The following ESR1 variants were observed in gnomAD, a reference collection of about 807,000 sequenced individuals.
The protein encoded by ESR1 is estrogen receptor.
ESR1 carries 12 observed loss-of-function variants against 52.7 expected under a neutral mutation model. The ratio of observed to expected loss-of-function variants is 0.23; its 90% confidence interval spans 0.15 to 0.37. The LOEUF is 0.37. Ranked by LOEUF, ESR1 falls within the 10% of genes least tolerant of loss-of-function variation. The pLI is 1.00. For missense variants in ESR1, 584 were observed against 779.7 expected, an observed-to-expected ratio of 0.75 and a Z score of 2.99; for synonymous variants, 305 against 316.8, an observed-to-expected ratio of 0.96 and a Z score of 0.39.
chr6:151,943,267 C>A (rs2035299720), intron 3 of ESR1, among the ~76,000 whole-genome samples: 1 of 151,948 alleles, frequency 6.6e-6, no homozygotes, highest in Non-Finnish European at 1.5e-5. Flanking sequence ...GTAGTCCCAG[C>A]TACTCAGGAG....
intron 2 of ESR1, among the ~76,000 whole-genome samples, chr6:151,860,461 T>C (rs896163976): frequency 6.6e-6 from 1 of 152,190 alleles, no homozygotes; most frequent in South Asian, 2.1e-4. Context: ...TATAGGTATA[T>C]AGTGTGTGTG....
chr6:151,923,954 G>C (rs934400924), intron 3 of ESR1, among the ~76,000 whole-genome samples: 1 of 152,168 alleles, frequency 6.6e-6, no homozygotes, highest in Non-Finnish European at 1.5e-5. Flanking sequence ...CTTGATGCTC[G>C]ACATCCTTGT....
intron 4 of ESR1, among the ~76,000 whole-genome samples, chr6:151,985,540 CAA>C (rs556588370): frequency 1.2e-5 from 1 of 81,108 alleles, no homozygotes. Context: ...AAAACACAAA[CAA>C]AAAAAAAAAA....
chr6:151,862,908 G>A (rs1026974684), intron 2 of ESR1, among the ~76,000 whole-genome samples: 8 of 151,926 alleles, frequency 5.3e-5, no homozygotes, highest in African/African-American at 9.7e-5. Flanking sequence ...GGCTGGTGTC[G>A]GCTTGAAATT....
At chr6:151,917,677 A>G (rs1462234671) in intron 3 of ESR1, among the ~76,000 whole-genome samples, 1 of 152,050 alleles carries the variant, frequency 6.6e-6, no homozygotes, top group African/African-American at 2.4e-5. Flanking sequence ...CCTGTGATTG[A>G]TTTCCCATTC....
At chr6:151,913,477 C>T (rs1798593462) in intron 3 of ESR1, among the ~76,000 whole-genome samples, 1 of 152,078 alleles carries the variant, frequency 6.6e-6, no homozygotes, top group African/African-American at 2.4e-5. Flanking sequence ...AAATGTCACC[C>T]CATTTTGAAT....
intron 1 of ESR1, among the ~76,000 whole-genome samples, chr6:151,677,587 C>T (rs543810115): frequency 2.6e-5 from 4 of 152,270 alleles, no homozygotes; most frequent in Non-Finnish European, 4.4e-5. Context: ...TGAGTGATTA[C>T]GCAGCATTTG....
At chr6:152,034,475 T>C (rs2045088744) in intron 5 of ESR1, among the ~76,000 whole-genome samples, 3 of 152,114 alleles carry the variant, frequency 2.0e-5, no homozygotes, top group Admixed American at 2.0e-4. Context: ...GTCACTGTGC[T>C]GTCCATAGAG....
intron 2 of ESR1, among the ~76,000 whole-genome samples, chr6:151,843,553 A>G (rs9340812): frequency 0.017 from 2,514 of 152,272 alleles, 60 homozygotes; most frequent in African/African-American, 0.058. Context: ...TAAAATACCT[A>G]TGCTGAATAT....
chr6:152,127,149 C>T (rs911937383), exon 7 of ESR1: 2 of 152,132 alleles, frequency 1.3e-5, no homozygotes, highest in African/African-American at 4.8e-5. Flanking sequence ...CCTGAGGCAG[C>T]CTGTGGTGGC....
chr6:151,706,237 G>A (rs1780175788), intron 2 of ESR1, among the ~76,000 whole-genome samples: 1 of 152,194 alleles, frequency 6.6e-6, no homozygotes, highest in Non-Finnish European at 1.5e-5. Flanking sequence ...GCTCATCAAA[G>A]TGGAAATAAT....
At chr6:152,066,675 C>T (rs1341021167) in intron 6 of ESR1, among the ~76,000 whole-genome samples, 2 of 152,202 alleles carry the variant, frequency 1.3e-5, no homozygotes, top group African/African-American at 4.8e-5. Context: ...AGCCACTCAA[C>T]TTTGGAGCCT....
At chr6:151,899,355 C>G (rs1199327574) in intron 3 of ESR1, among the ~76,000 whole-genome samples, 1 of 115,884 alleles carries the variant, frequency 8.6e-6, no homozygotes, top group Non-Finnish European at 1.7e-5. Context: ...GGGGGCTGAC[C>G]CCCCCACCTC....
chr6:151,755,507 G>A (rs1289776265), intron 2 of ESR1, among the ~76,000 whole-genome samples: 1 of 152,108 alleles, frequency 6.6e-6, no homozygotes. Flanking sequence ...GAGTTCCCTG[G>A]AGTGTTGGAG....
chr6:151,732,079 T>G (rs1043859876), intron 2 of ESR1, among the ~76,000 whole-genome samples: 1 of 152,194 alleles, frequency 6.6e-6, no homozygotes, highest in African/African-American at 2.4e-5. Flanking sequence ...TCTGTCATTT[T>G]TGAGAGATAA....
chr6:152,087,278 CAA>C (rs2049803386), intron 6 of ESR1, among the ~76,000 whole-genome samples: 1 of 152,126 alleles, frequency 6.6e-6, no homozygotes, highest in African/African-American at 2.4e-5. Context: ...AATAACTTCT[CAA>C]AGTTTACTAA....
chr6:151,921,361 C>G (rs141356372), intron 3 of ESR1, among the ~76,000 whole-genome samples: 1,908 of 152,172 alleles, frequency 0.013, 19 homozygotes, highest in Non-Finnish European at 0.02. Flanking sequence ...TGATTCCATG[C>G]CTTTACTATT....
chr6:152,046,486 A>G (rs1207298577), intron 5 of ESR1, among the ~76,000 whole-genome samples: 1 of 152,242 alleles, frequency 6.6e-6, no homozygotes, highest in African/African-American at 2.4e-5. Context: ...ACAAACTAGT[A>G]TTTAACTTGG....
intron 3 of ESR1, among the ~76,000 whole-genome samples, chr6:151,890,499 C>T (rs1028882898): frequency 2.0e-5 from 3 of 152,112 alleles, no homozygotes; most frequent in African/African-American, 7.2e-5. Context: ...CTGTTAAGTC[C>T]ATCTGTGCTA....
Sources: gnomAD v4.1 joint callset for allele counts (sites outside exome capture counted in the v4.1 genomes callset) on GRCh38, gnomAD v4.1.1 for gene constraint, MANE v1.5 for transcripts, NCBI Gene and HGNC (gene_info 2026-07-23, HGNC 2026-07-21) for gene names.